Variants in BTBD16 observed in about 807,000 individuals in gnomAD.
BTBD16 encodes BTB/POZ domain-containing protein 16.
A neutral mutation model predicts 67.4 loss-of-function variants in BTBD16; 66 were observed. That is an observed-to-expected ratio of 0.98 (90% CI 0.80 to 1.20). The LOEUF is 1.20. Ranked by LOEUF, BTBD16 falls within the 50% of genes most tolerant of loss-of-function variation. The pLI is 0.00. For missense variants in BTBD16, 634 were observed against 616.0 expected (o/e 1.03, Z -0.31); for synonymous variants, 242 against 236.4 (o/e 1.02, Z -0.22).
intron 3 of BTBD16, among the ~76,000 whole-genome samples, chr10:122,280,564 TTATATTATA>T (rs2096350843): frequency 7.4e-5 from 11 of 148,532 alleles, no homozygotes; most frequent in African/African-American, 2.5e-4. Context: ...TATTTTTATA[TTATATTATA>T]TTATATTATA....
chr10:122,299,207 G>T (rs1364149171), intron 9 of BTBD16, 73 bp downstream of exon 9: 2 of 1,553,612 alleles, frequency 1.3e-6, no homozygotes, highest in African/African-American at 2.7e-5. Flanking sequence ...TGGGGAGGGA[G>T]GTGCTCTGAT....
At chr10:122,317,428 A>C (rs2096427356) in intron 10 of BTBD16, among the ~76,000 whole-genome samples, 2 of 152,060 alleles carry the variant, frequency 1.3e-5, no homozygotes, top group African/African-American at 2.4e-5. Flanking sequence ...CTGGTGGATC[A>C]TGAGGTCAGG....
chr10:122,301,354 G>A lies in BTBD16; in HGVS notation c.791+2220G>A, dbSNP rs999142181. Among the ~76,000 whole-genome samples, 5 of 152,168 alleles carry A rather than the reference G, an allele frequency of 3.3e-5. No homozygotes were observed. The South Asian group carries it at 8.3e-4, about 25-fold the overall frequency. On this transcript the variant is annotated intron_variant, in intron 9 of 15. Coordinates refer to ENST00000260723, the MANE Select transcript of BTBD16 (RefSeq NM_144587.5). ...CAGAAAAAGAGGTCAAGAGCATTAC[G>A]TGTCAAGTGTCTAGACTCATCAGCT... is the stretch of plus-strand genomic sequence containing the variant.
At chr10:122,317,912 T>C (rs1762906506) in intron 10 of BTBD16, among the ~76,000 whole-genome samples, 2 of 152,092 alleles carry the variant, frequency 1.3e-5, no homozygotes, top group South Asian at 4.1e-4. Flanking sequence ...GAAAACACTA[T>C]AAAATAAAGA....
intron 13 of BTBD16, among the ~76,000 whole-genome samples, chr10:122,333,243 C>T (rs1466984996): frequency 3.9e-5 from 6 of 152,126 alleles, no homozygotes; most frequent in Non-Finnish European, 7.4e-5. Context: ...AGACATCGTG[C>T]CTAAGTGGGC....
chr10:122,321,057 A>G (rs930048476), intron 10 of BTBD16, among the ~76,000 whole-genome samples: 2 of 152,006 alleles, frequency 1.3e-5, no homozygotes, highest in African/African-American at 4.8e-5. Context: ...CTTTATGTTC[A>G]TGTGTACCCA....
At chr10:122,290,064 T>A in intron 6 of BTBD16, 66 bp downstream of exon 6, 1 of 1,149,358 alleles carries the variant, frequency 8.7e-7, no homozygotes, top group Non-Finnish European at 1.3e-6. Context: ...GATTTAAAAA[T>A]GCACAAGCAA....
chr10:122,278,071 C>T (rs977763533), intron 3 of BTBD16, among the ~76,000 whole-genome samples: 1 of 152,180 alleles, frequency 6.6e-6, no homozygotes, highest in Non-Finnish European at 1.5e-5. Context: ...GAGCCACTGG[C>T]CAACACTTTT....
intron 13 of BTBD16, chr10:122,332,861 A>G (rs1400891337): frequency 1.0e-6 from 1 of 985,248 alleles, no homozygotes; most frequent in East Asian, 1.1e-4. Flanking sequence ...ACAAACACCA[A>G]CAGTTGCAAA....
chr10:122,324,441 A>G (rs187430855), intron 10 of BTBD16, among the ~76,000 whole-genome samples: 7 of 152,368 alleles, frequency 4.6e-5, no homozygotes, highest in East Asian at 3.9e-4. Context: ...GGGCGAGGCC[A>G]TGTGCCTCTT....
chr10:122,323,141 T>C (rs2096438378), intron 10 of BTBD16, among the ~76,000 whole-genome samples: 1 of 152,182 alleles, frequency 6.6e-6, no homozygotes, highest in African/African-American at 2.4e-5. Flanking sequence ...TACTCTAAAT[T>C]GCATGTCAGG....
intron 10 of BTBD16, among the ~76,000 whole-genome samples, chr10:122,323,842 G>A (rs1002074531): frequency 2.0e-5 from 3 of 152,182 alleles, no homozygotes; most frequent in Admixed American, 2.0e-4. Context: ...ATTGATGGTG[G>A]TCCTGGGGTT....
intron 10 of BTBD16, among the ~76,000 whole-genome samples, chr10:122,316,026 G>T (rs181332728): frequency 6.6e-6 from 1 of 152,218 alleles, no homozygotes; most frequent in Non-Finnish European, 1.5e-5. Flanking sequence ...CAGCACCTTG[G>T]GAAGCCGAGG....
At chr10:122,284,575 A>G (rs908742070) in intron 4 of BTBD16, among the ~76,000 whole-genome samples, 3 of 152,176 alleles carry the variant, frequency 2.0e-5, no homozygotes, top group Admixed American at 6.5e-5. Flanking sequence ...CACTTGTTCA[A>G]GAGGACTTTT....
chr10:122,337,811 T>C (rs1347146378), intron 15 of BTBD16, among the ~76,000 whole-genome samples: 3 of 152,256 alleles, frequency 2.0e-5, no homozygotes, highest in Non-Finnish European at 4.4e-5. Context: ...AGCTGTCCTC[T>C]TCAGATTTGT....
Position 122,336,534 on chromosome 10 carries a change from A to C in BTBD16, c.1304A>C (p.Tyr435Ser). 6.2e-7 allele frequency: 1 copy of C among 1,612,242 alleles called. No homozygotes were observed. Among genetic ancestry groups the C allele is most frequent in the Non-Finnish European group, 8.5e-7 (1 of 1,179,236 alleles). Reference sequence around the variant, plus strand: ...GACCTGGAATCTCCCTCTGCGGTCTACGAGCACAACCACGTCAGCCTGCGA... The same window carrying C: ...GACCTGGAATCTCCCTCTGCGGTCTCCGAGCACAACCACGTCAGCCTGCGA... ...HTDLESPSAV[Y>S]EHNHVSLRAA... The change falls in exon 15 of 16, where the codon TAC becomes TCC. Residue 435 changes from tyrosine (Y) to serine (S), a missense_variant. Coordinates refer to ENST00000260723, the MANE Select transcript of BTBD16 (RefSeq NM_144587.5).
intron 12 of BTBD16, 109 bp from the exon 13 acceptor site, chr10:122,332,327 T>C: frequency 3.1e-6 from 3 of 976,760 alleles, no homozygotes; most frequent in East Asian, 2.6e-5. Context: ...AAAACTCTTT[T>C]TCAAACCTGG....
rs143637448 is a variant in BTBD16, at chr10:122,279,511, A to AACACACACACACACACACACACACAC, written c.167+2582_167+2607dup. ...AATAAAAAAGAGACAGAGAAAGAGAAACACACACACACACACACACACACA... is the reference window on the plus strand; with the variant it reads ...AATAAAAAAGAGACAGAGAAAGAGAAACACACACACACACACACACACACACACACACACACACACACACACACACA... On this transcript the variant is annotated intron_variant, in intron 3 of 15. Transcript: ENST00000260723. Among the ~76,000 whole-genome samples the AACACACACACACACACACACACACAC allele has an allele frequency of 2.4e-4, 35 of 143,862 alleles. 1 individual carries two copies. Among genetic ancestry groups the AACACACACACACACACACACACACAC allele is most frequent in the South Asian group, 7.1e-4 (3 of 4,238 alleles). 94.4% of individuals were successfully genotyped at this position (143,862 alleles called of 152,430 possible). A position where few individuals can be genotyped will look rare whatever the true frequency, so the allele number is the denominator to read the frequency against.
At chr10:122,274,631 C>T (rs2096336426) in intron 1 of BTBD16, among the ~76,000 whole-genome samples, 1 of 152,222 alleles carries the variant, frequency 6.6e-6, no homozygotes. Flanking sequence ...CATCAGTCTA[C>T]AGAGCTCCAG....
Sources: gnomAD v4.1 joint callset for allele counts (sites outside exome capture counted in the v4.1 genomes callset) on GRCh38, gnomAD v4.1.1 for gene constraint, MANE v1.5 for transcripts, NCBI Gene and HGNC (gene_info 2026-07-23, HGNC 2026-07-21) for gene names.